DIO2: variants seen among roughly 807,000 people sequenced by gnomAD.
DIO2 encodes type II iodothyronine deiodinase.
Under a neutral mutation model 21.4 loss-of-function variants are expected in DIO2, and 19 were observed. The observed-to-expected ratio is 0.89, with a 90% CI of 0.62 to 1.30. The LOEUF (loss-of-function observed/expected upper bound fraction) is 1.30, where lower values mean the gene tolerates loss of function less well. Among genes scored for constraint, DIO2 ranks in the 50% most tolerant of loss-of-function variants. The pLI, the probability that DIO2 is intolerant of heterozygous loss-of-function variation, is 0.00. For missense variants in DIO2, 302 were observed against 338.1 expected, an observed-to-expected ratio of 0.89 and a Z score of 0.84; for synonymous variants, 122 against 132.9, an observed-to-expected ratio of 0.92 and a Z score of 0.57.
upstream of DIO2, among the ~76,000 whole-genome samples, chr14:80,214,948 G>T (rs1179628295): frequency 6.6e-6 from 1 of 152,088 alleles, no homozygotes; most frequent in Admixed American, 6.5e-5. Context: ...ATTACTATGA[G>T]AACCAAAACC....
chr14:80,212,667 T>C (rs1206052187), upstream of DIO2, among the ~76,000 whole-genome samples: 1 of 152,188 alleles, frequency 6.6e-6, no homozygotes, highest in Non-Finnish European at 1.5e-5. Flanking sequence ...CAACCCTTTG[T>C]AAGATCTGTG....
chr14:80,200,467 T>C lies in DIO2; in HGVS notation c.*2222A>G, dbSNP rs1887671354. The C allele has an allele frequency of 6.6e-6, 1 of 152,476 alleles. No homozygotes were observed. The highest frequency in any genetic ancestry group is 2.4e-5 in the African/African-American group (1 of 41,422). 9.4% of individuals were successfully genotyped at this position (152,476 alleles called of 1,614,324 possible). Reference sequence around the variant, plus strand: ...TGACATACTGTTACTTTATCGTACATAGAGAAAAAAGGGGAATTTTAAGGA... The same window carrying C: ...TGACATACTGTTACTTTATCGTACACAGAGAAAAAAGGGGAATTTTAAGGA... On this transcript the variant is annotated 3_prime_UTR_variant, in exon 2 of 2. Transcript: ENST00000438257.
At chr14:80,230,487 A>G (rs1888663994) in intron 2 of DIO2, among the ~76,000 whole-genome samples, 1 of 152,160 alleles carries the variant, frequency 6.6e-6, no homozygotes, top group African/African-American at 2.4e-5. Context: ...CCCTGAATTC[A>G]TCATTTTCTT....
chr14:80,221,781 A>C (rs946767806), intron 2 of DIO2, among the ~76,000 whole-genome samples: 2 of 152,210 alleles, frequency 1.3e-5, no homozygotes, highest in Admixed American at 1.3e-4. Flanking sequence ...AAAAACAAAT[A>C]CTGTATGACT....
chr14:80,203,208 A>T lies in DIO2; in HGVS notation c.303T>A (p.Gly101=). 1 of 1,609,016 alleles carries T rather than the reference A, an allele frequency of 6.2e-7. No homozygotes were observed. The highest frequency in any genetic ancestry group is 8.5e-7 in the Non-Finnish European group (1 of 1,177,732). Residue 101 remains glycine (G), a synonymous_variant, in exon 2 of 2, where the codon GGT becomes GGA. Transcript: ENST00000438257. ...CTCCCTCAGCTATCTTCTCCTGGGT[A>T]CCATTGCCACTGTTGTCACCTCCTT... ...STEGGDNSGN[G]TQEKIAEGAT...
chr14:80,226,144 G>A (rs1051150597), intron 2 of DIO2, among the ~76,000 whole-genome samples: 1 of 152,080 alleles, frequency 6.6e-6, no homozygotes, highest in African/African-American at 2.4e-5. Context: ...CTATATATTG[G>A]ATGCTGATTC....
chr14:80,215,532 T>C (rs760409041), upstream of DIO2, among the ~76,000 whole-genome samples: 9 of 152,220 alleles, frequency 5.9e-5, no homozygotes, highest in Non-Finnish European at 1.0e-4. Flanking sequence ...TAACAACTCA[T>C]ACCATGGACT....
At chr14:80,224,577 C>T (rs903422236) in intron 2 of DIO2, among the ~76,000 whole-genome samples, 4 of 148,676 alleles carry the variant, frequency 2.7e-5, no homozygotes, top group African/African-American at 9.9e-5. Flanking sequence ...ACTTGAAAAG[C>T]AATTTTGGCC....
chr14:80,205,489 C>T lies in DIO2; in HGVS notation c.223-2201G>A, dbSNP rs138405185. 1,149 of 655,124 alleles carry T rather than the reference C, an allele frequency of 1.8e-3. 15 individuals carry two copies. In the African/African-American group the frequency reaches 0.021, roughly 12 times the overall value. 40.6% of individuals were successfully genotyped at this position (655,124 alleles called of 1,614,324 possible). On this transcript the variant is annotated intron_variant, in intron 1 of 1. Transcript: ENST00000438257. ...AACAATTATGTGGCCTTGACAAATG[C>T]GCCTCTAACCCCCTGATTCATCCGA... is the stretch of plus-strand genomic sequence containing the variant.
In DIO2 at chr14:80,203,396, A is replaced by G. The variant is rs1887826139; in HGVS notation, c.223-108T>C. 3.9e-6 allele frequency: 5 copies of G among 1,295,856 alleles called. No individual in the cohort carries two copies. The East Asian group carries it at 1.3e-4, about 33-fold the overall frequency. The allele number at this position is 1,295,856 out of a possible 1,614,324, so 80.3% of individuals were successfully genotyped here. On this transcript the variant is annotated intron_variant, in intron 1 of 1. Coordinates refer to ENST00000438257, the MANE Select transcript of DIO2 (RefSeq NM_013989.5). ...AAATAGTTACAATTGGCTCTAATAG[A>G]GTGTGGTATTTCCTTCAGAGCATTT...
chr14:80,210,005 G>A (rs993943161), intron 1 of DIO2, among the ~76,000 whole-genome samples: 4 of 152,068 alleles, frequency 2.6e-5, no homozygotes, highest in Admixed American at 6.6e-5. Context: ...CGAGTTCCCC[G>A]TCTCTGGTTC....
At position 80,203,096 on chromosome 14, in the gene DIO2, G is replaced by C. The variant is rs1887805719; in HGVS notation, c.415C>G (p.Gln139Glu). ...ACCAGTTTGCGGAAGGCTGGCAGCT[G>C]GCTCGTGAAAGGAGGTCAAGTGGCT... ...GSATUPPFTS[Q>E]LPAFRKLVEE... The change falls in exon 2 of 2, where the codon CAG becomes GAG. Residue 139 changes from glutamine (Q) to glutamate (E), a missense_variant. Gln to Glu is a conservative substitution (Grantham distance 29). Transcript: ENST00000438257. The C allele has an allele frequency of 1.2e-6, 2 of 1,613,906 alleles. No individual in the cohort carries two copies. Among genetic ancestry groups the C allele is most frequent in the Non-Finnish European group, 1.7e-6 (2 of 1,179,854 alleles).
intron 2 of DIO2, among the ~76,000 whole-genome samples, chr14:80,226,205 G>T (rs1313729071): frequency 1.3e-5 from 2 of 152,098 alleles, no homozygotes; most frequent in Non-Finnish European, 2.9e-5. Context: ...GCAAAGTATT[G>T]TCACCTAGTT....
At chr14:80,216,448 C>T (rs1297124665), upstream of DIO2, among the ~76,000 whole-genome samples, 1 of 152,122 alleles carries the variant, frequency 6.6e-6, no homozygotes, top group African/African-American at 2.4e-5. Flanking sequence ...AGTCTGGATC[C>T]ACATTGATAG....
At chr14:80,221,331 T>C (rs549599800) in intron 2 of DIO2, among the ~76,000 whole-genome samples, 28 of 152,368 alleles carry the variant, frequency 1.8e-4, no homozygotes, top group African/African-American at 6.0e-4. Context: ...ACATGGGAAA[T>C]AGAAATTTTT....
At position 80,201,029 on chromosome 14, in the gene DIO2, G is replaced by A. The variant is rs972243088; in HGVS notation, c.*1660C>T. 22 of 151,740 alleles carry A rather than the reference G, an allele frequency of 1.4e-4. No individual in the cohort carries two copies. The Middle Eastern group carries it at 0.01, about 70-fold the overall frequency. 9.4% of individuals were successfully genotyped at this position (151,740 alleles called of 1,614,324 possible). ...AATCATATACTATGATTTCATAATA[G>A]TCTCATATTTACCAAAAAGAAATTA... is the stretch of plus-strand genomic sequence containing the variant. On this transcript the variant is annotated 3_prime_UTR_variant, in exon 2 of 2. Coordinates refer to ENST00000438257, the MANE Select transcript of DIO2 (RefSeq NM_013989.5).
chr14:80,204,582 AT>A (rs1270635741), intron 1 of DIO2, among the ~76,000 whole-genome samples: 2 of 152,266 alleles, frequency 1.3e-5, no homozygotes, highest in Non-Finnish European at 2.9e-5. Flanking sequence ...ATCAAAGCCA[AT>A]AACATTAGGG....
chr14:80,207,912 A>T (rs888221418), intron 1 of DIO2, among the ~76,000 whole-genome samples: 1 of 152,168 alleles, frequency 6.6e-6, no homozygotes, highest in Non-Finnish European at 1.5e-5. Context: ...CCATTGTGGA[A>T]ACTAGTGTCA....
chr14:80,211,832 A>T (rs1165584123), upstream of DIO2: 1 of 132,020 alleles, frequency 7.6e-6, no homozygotes, highest in Non-Finnish European at 1.5e-5. Flanking sequence ...TAATCCAGTT[A>T]CCTCTGTCAG....
Sources: allele counts gnomAD v4.1 joint callset (sites outside exome capture counted in the v4.1 genomes callset), GRCh38; gene constraint gnomAD v4.1.1; transcripts MANE v1.5; gene names NCBI Gene and HGNC (gene_info 2026-07-23, HGNC 2026-07-21).